MRPL1: variants seen among roughly 807,000 people sequenced by gnomAD.
MRPL1 encodes mitochondrial ribosomal protein L1.
MRPL1 carries 28 observed loss-of-function variants against 38.0 expected under a neutral mutation model. That is an observed-to-expected ratio of 0.74 (90% CI 0.55 to 1.01). The LOEUF is 1.01. MRPL1 is among the 50% of genes least tolerant of loss of function. MRPL1 has a pLI of 0.00. For missense variants in MRPL1, 358 were observed against 389.8 expected (o/e 0.92, Z 0.69); for synonymous variants, 123 against 126.7 (o/e 0.97, Z 0.20).
At chr4:77,890,887 A>G (rs1735790890) in intron 5 of MRPL1, among the ~76,000 whole-genome samples, 1 of 152,176 alleles carries the variant, frequency 6.6e-6, no homozygotes, top group Non-Finnish European at 1.5e-5. Context: ...TGATTTGAAA[A>G]TTTATCCTTT....
intron 6 of MRPL1, among the ~76,000 whole-genome samples, chr4:77,906,646 G>A (rs919051267): frequency 3.9e-5 from 6 of 152,142 alleles, no homozygotes; most frequent in African/African-American, 1.4e-4. Context: ...AAGGCAGGCA[G>A]TGTTGTGGGC....
intron 2 of MRPL1, among the ~76,000 whole-genome samples, chr4:77,874,741 A>T (rs1247634663): frequency 6.7e-6 from 1 of 149,918 alleles, no homozygotes; most frequent in African/African-American, 2.4e-5. Context: ...ATGAGGTTGT[A>T]TACCTCTTCA....
chr4:77,925,577 C>G (rs1476652826), intron 7 of MRPL1, among the ~76,000 whole-genome samples: 1 of 150,508 alleles, frequency 6.6e-6, no homozygotes, highest in Non-Finnish European at 1.5e-5. Context: ...TAGTTTATTG[C>G]TGCTTTTTTT....
intron 3 of MRPL1, among the ~76,000 whole-genome samples, chr4:77,884,244 CAAA>C (rs369596317): frequency 1.3e-4 from 12 of 89,084 alleles, no homozygotes; most frequent in African/African-American, 1.9e-4. Context: ...GACTCCATCT[CAAA>C]AAAAAAAAAA....
rs758537259 is a variant in MRPL1 at position 77,887,234 on chromosome 4, C to T, written c.501C>T (p.Val167=). The part of the protein sequence containing the change: ...VAVFTENASE[V]KIAEENGAAF... Reference sequence around the variant, plus strand: ...TGTTTTGGTAGAATGCATCAGAGGTCAAAATAGCGGAAGAAAATGGAGCTG... The same window carrying T: ...TGTTTTGGTAGAATGCATCAGAGGTTAAAATAGCGGAAGAAAATGGAGCTG... The change falls in exon 5 of 9, where the codon GTC becomes GTT. Residue 167 remains valine, a synonymous_variant. Coordinates refer to ENST00000315567, the MANE Select transcript of MRPL1 (RefSeq NM_020236.4). 2 of 1,613,430 alleles carry T rather than the reference C, an allele frequency of 1.2e-6. No individual in the cohort carries two copies. The highest frequency in any genetic ancestry group is 2.2e-5 in the South Asian group (2 of 91,028).
intron 7 of MRPL1, among the ~76,000 whole-genome samples, chr4:77,938,984 G>A (rs1209331990): frequency 6.6e-6 from 1 of 152,118 alleles, no homozygotes; most frequent in South Asian, 2.1e-4. Context: ...AAGTTCTTTA[G>A]TGGTGATTTC....
At chr4:77,868,995 G>A (rs540192589) in intron 1 of MRPL1, among the ~76,000 whole-genome samples, 2 of 152,322 alleles carry the variant, frequency 1.3e-5, no homozygotes, top group Admixed American at 6.5e-5. Context: ...AGGTGGAAAA[G>A]AAATGGAGAG....
chr4:77,885,218 T>G, intron 3 of MRPL1, 38 bp from the exon 4 acceptor site: 2 of 1,450,218 alleles, frequency 1.4e-6, no homozygotes, highest in Non-Finnish European at 1.9e-6. Flanking sequence ...TAGAAAAGAT[T>G]AACTTTACGT....
At chr4:77,870,930 C>T (rs1246497618) in intron 1 of MRPL1, among the ~76,000 whole-genome samples, 1 of 152,010 alleles carries the variant, frequency 6.6e-6, no homozygotes, top group Non-Finnish European at 1.5e-5. Flanking sequence ...GATCCAGTAC[C>T]CCACTTTGTT....
At chr4:77,949,646 C>T (rs145375105) in intron 7 of MRPL1, 151 bp from the exon 8 acceptor site, 23 of 455,254 alleles carry the variant, frequency 5.1e-5, no homozygotes, top group Non-Finnish European at 8.1e-5. Context: ...ATGTGGCATT[C>T]GAAACAAAGA....
intron 7 of MRPL1, among the ~76,000 whole-genome samples, chr4:77,922,859 T>G (rs1479786087): frequency 6.6e-6 from 1 of 152,138 alleles, no homozygotes; most frequent in Non-Finnish European, 1.5e-5. Flanking sequence ...TGAGATGCCT[T>G]TTAGATGTCC....
chr4:77,863,541 A>G (rs924975235), intron 1 of MRPL1, among the ~76,000 whole-genome samples: 1 of 138,794 alleles, frequency 7.2e-6, no homozygotes, highest in Non-Finnish European at 1.5e-5. Flanking sequence ...ATCTCAGCTC[A>G]CTGCAACCTC....
chr4:77,894,330 A>G (rs1735868994), intron 6 of MRPL1, 80 bp downstream of exon 6: 1 of 839,530 alleles, frequency 1.2e-6, no homozygotes, highest in Non-Finnish European at 1.9e-6. Flanking sequence ...AAAGTTGTTC[A>G]TGTATGCGTA....
In MRPL1 at chr4:77,949,862, C is replaced by T. The variant is rs888074715; in HGVS notation, c.843C>T (p.His281=). The T allele has an allele frequency of 3.1e-6, 5 of 1,608,986 alleles. No homozygotes were observed. The highest frequency in any genetic ancestry group is 4.2e-6 in the Non-Finnish European group (5 of 1,177,126). ...CAGTTATTAATGAAGTTTGTAGGCACAGACCGCTGAATTTGGGTAAGTGGT... is the reference window on the plus strand; with the variant it reads ...CAGTTATTAATGAAGTTTGTAGGCATAGACCGCTGAATTTGGGTAAGTGGT... ...LQAVINEVCR[H]RPLNLGPFVV... Residue 281 remains histidine (H), a synonymous_variant, in exon 8 of 9, where the codon CAC becomes CAT. Coordinates refer to ENST00000315567, the MANE Select transcript of MRPL1 (RefSeq NM_020236.4).
intron 7 of MRPL1, among the ~76,000 whole-genome samples, chr4:77,914,998 T>C (rs1736387213): frequency 6.6e-6 from 1 of 152,214 alleles, no homozygotes; most frequent in Non-Finnish European, 1.5e-5. Context: ...GGATATGGCC[T>C]GCAAAGCCTA....
chr4:77,875,522 C>T (rs548601987), intron 2 of MRPL1, among the ~76,000 whole-genome samples: 1 of 152,058 alleles, frequency 6.6e-6, no homozygotes, highest in South Asian at 2.1e-4. Context: ...CTTGGTGGTG[C>T]ATGCCTGTAA....
intron 2 of MRPL1, among the ~76,000 whole-genome samples, chr4:77,872,787 TGGGCA>T (rs1471280021): frequency 6.6e-6 from 1 of 152,136 alleles, no homozygotes; most frequent in Non-Finnish European, 1.5e-5. Context: ...CGCTTGAACC[TGGGCA>T]GCAGAGGTTG....
intron 7 of MRPL1, among the ~76,000 whole-genome samples, chr4:77,949,176 T>C (rs1164625636): frequency 6.6e-6 from 1 of 152,226 alleles, no homozygotes; most frequent in Non-Finnish European, 1.5e-5. Flanking sequence ...ATAAGAGTAA[T>C]TGAATTTGAA....
At chr4:77,944,399 C>T (rs1036316095) in intron 7 of MRPL1, among the ~76,000 whole-genome samples, 10 of 152,216 alleles carry the variant, frequency 6.6e-5, no homozygotes, top group African/African-American at 2.4e-4. Context: ...CCTCTTTGTC[C>T]TTCAAAATTC....
Sources: gnomAD v4.1 joint callset for allele counts (sites outside exome capture counted in the v4.1 genomes callset) on GRCh38, gnomAD v4.1.1 for gene constraint, MANE v1.5 for transcripts, NCBI Gene and HGNC (gene_info 2026-07-23, HGNC 2026-07-21) for gene names.